TPM3: variants seen among roughly 807,000 people sequenced by gnomAD.
TPM3 encodes the protein tropomyosin alpha-3 chain.
Under a neutral mutation model 43.1 loss-of-function variants are expected in TPM3, and 16 were observed. The ratio of observed to expected loss-of-function variants is 0.37; its 90% CI spans 0.25 to 0.56. The LOEUF is 0.56. Ranked by LOEUF, TPM3 falls within the 20% of genes least tolerant of loss-of-function variation. The pLI is 0.77. For synonymous variants in TPM3, 101 were observed against 116.9 expected, an observed-to-expected ratio of 0.86 and a Z score of 0.88; for missense variants, 176 against 337.2, an observed-to-expected ratio of 0.52 and a Z score of 3.74.
At chr1:154,170,275 C>G in intron 8 of TPM3, 125 bp downstream of exon 8, 4 of 1,032,116 alleles carry the variant, frequency 3.9e-6, no homozygotes, top group Non-Finnish European at 4.5e-6. Flanking sequence ...TAGGACAGTG[C>G]ACATGATATT....
rs1044686013 is a variant in TPM3, at chr1:154,171,833, T to C, written c.567-345A>G. The C allele has an allele frequency of 6.2e-5, 44 of 713,912 alleles. 1 individual carries two copies. Among genetic ancestry groups the C allele is most frequent in the Non-Finnish European group, 1.1e-4 (44 of 407,576 alleles). The allele number at this position is 713,912 out of a possible 1,614,324, so 44.2% of individuals were successfully genotyped here. On this transcript the variant is annotated intron_variant, in intron 5 of 9. Coordinates refer to ENST00000651641, the MANE Select transcript of TPM3 (RefSeq NM_152263.4). ...CAAATCACCCAAAGGAAGGAGACCC[T>C]GTGGAGAGGCAGTGAAGCAACTAGG... is the stretch of plus-strand genomic sequence containing the variant.
downstream of TPM3, chr1:154,157,431 G>A (rs897230878): frequency 5.9e-6 from 4 of 673,790 alleles, no homozygotes; most frequent in African/African-American, 7.1e-5. Context: ...GTTTCCAAAG[G>A]TGCTCAGCCT....
At chr1:154,190,663 A>G (rs976926777) in intron 2 of TPM3, among the ~76,000 whole-genome samples, 1 of 152,232 alleles carries the variant, frequency 6.6e-6, no homozygotes, top group African/African-American at 2.4e-5. Context: ...TCTCCATGGC[A>G]TAAAGGCAAA....
Position 154,171,780 on chromosome 1 carries a change from G to C in TPM3, c.567-292C>G. 4 of 624,786 alleles carry C rather than the reference G, an allele frequency of 6.4e-6. No homozygotes were observed. In the South Asian group the frequency reaches 7.7e-5, roughly 12 times the overall value. 38.7% of individuals were successfully genotyped at this position (624,786 alleles called of 1,614,324 possible). A position where few individuals can be genotyped will look rare whatever the true frequency, so the allele number is the denominator to read the frequency against. ...TAACTGCTACCTGGGGTGGAGGTGGGAACAAATGCCCAACCCAAACAGTCC... is the reference window on the plus strand; with the variant it reads ...TAACTGCTACCTGGGGTGGAGGTGGCAACAAATGCCCAACCCAAACAGTCC... On this transcript the variant is annotated intron_variant, in intron 5 of 9. Transcript: ENST00000651641.
At chr1:154,167,973 AAGGACT>A in intron 9 of TPM3, 33 bp from the exon 10 acceptor site, 1 of 1,613,850 alleles carries the variant, frequency 6.2e-7, no homozygotes, top group Non-Finnish European at 8.5e-7. Context: ...TCTAGGTGAG[AAGGACT>A]AGCATCAATC....
downstream of TPM3, among the ~76,000 whole-genome samples, chr1:154,161,131 T>TAAAAAAAAAAAAAA (rs953940037): frequency 2.9e-4 from 25 of 85,030 alleles, no homozygotes; most frequent in Admixed American, 4.0e-4. Flanking sequence ...ATGCAAATAT[T>TAAAAAAAAAAAAAA]AAAAAAAAAA....
chr1:154,191,113 G>A, intron 2 of TPM3, 73 bp downstream of exon 2: 2 of 1,610,804 alleles, frequency 1.2e-6, no homozygotes, highest in South Asian at 2.2e-5. Context: ...AGTGTGTTTG[G>A]AATTTCGTCA....
rs1558046183 is a variant in TPM3, at chr1:154,172,964, C to T, written c.510G>A (p.Leu170=). The T allele has an allele frequency of 1.9e-6, 3 of 1,614,166 alleles. No individual in the cohort carries two copies. The African/African-American group carries it at 4.0e-5, about 22-fold the overall frequency. ...DRKYEEVARK[L]VIIEGDLERT... is the part of the protein sequence containing the mutation. ...GTTCCAAGTCTCCTTCAATGATCACCAACTTACGAGCCACCTACAGGAAAA... is the reference window on the plus strand; with the variant it reads ...GTTCCAAGTCTCCTTCAATGATCACTAACTTACGAGCCACCTACAGGAAAA... Residue 170 remains leucine, a synonymous_variant, in exon 5 of 10, where the codon TTG becomes TTA. Transcript: ENST00000651641.
rs1252433784 is a variant in TPM3, at chr1:154,166,902, C to T, written c.*1035G>A. Reference sequence around the variant, plus strand: ...TTCACCATGTTGGCCGAGCTGGTCTCGAACTCATGACCTCAGGTGATCCAC... The same window carrying T: ...TTCACCATGTTGGCCGAGCTGGTCTTGAACTCATGACCTCAGGTGATCCAC... On this transcript the variant is annotated 3_prime_UTR_variant, in exon 10 of 10. Transcript: ENST00000651641. Among the ~76,000 whole-genome samples the T allele has an allele frequency of 2.0e-5, 3 of 152,036 alleles. No individual in the cohort carries two copies. The highest frequency in any genetic ancestry group is 4.4e-5 in the Non-Finnish European group (3 of 67,994).
At position 154,167,783 on chromosome 1, in the gene TPM3, T is replaced by C; in HGVS notation, c.*154A>G. On this transcript the variant is annotated 3_prime_UTR_variant, in exon 10 of 10. Transcript: ENST00000651641. ...TTAACATTTTAATTTGGGGTGGGGG[T>C]GGAAGAAAATACATAAGTTGCTTTT... The C allele has an allele frequency of 6.5e-7, 1 of 1,547,714 alleles. No individual in the cohort carries two copies. The highest frequency in any genetic ancestry group is 8.7e-7 in the Non-Finnish European group (1 of 1,144,570).
At chr1:154,184,080 T>A (rs1315774319) in intron 2 of TPM3, among the ~76,000 whole-genome samples, 2 of 152,136 alleles carry the variant, frequency 1.3e-5, no homozygotes, top group South Asian at 4.1e-4. Context: ...CGGAGTCTCC[T>A]CTGTCGCCCA....
chr1:154,191,100 A>G, intron 2 of TPM3, 86 bp downstream of exon 2: 1 of 1,605,784 alleles, frequency 6.2e-7, no homozygotes, highest in Non-Finnish European at 8.5e-7. Context: ...CCATGAACCC[A>G]CAAGTGTGTT....
chr1:154,156,313 T>G (rs922842569), downstream of TPM3: 1 of 183,796 alleles, frequency 5.4e-6, no homozygotes, highest in Non-Finnish European at 1.2e-5. Flanking sequence ...ATAGCTTCTG[T>G]GGAGAAAGCA....
intron 9 of TPM3, among the ~76,000 whole-genome samples, chr1:154,169,082 T>C (rs1186062162): frequency 6.6e-6 from 1 of 151,340 alleles, no homozygotes; most frequent in Non-Finnish European, 1.5e-5. Flanking sequence ...GTGATCCACC[T>C]GCCTCGGCCT....
downstream of TPM3, among the ~76,000 whole-genome samples, chr1:154,161,593 G>A (rs754900605): frequency 2.6e-5 from 4 of 151,374 alleles, no homozygotes; most frequent in Non-Finnish European, 5.9e-5. Context: ...CCACCACCAC[G>A]CCCAGGTAAT....
At chr1:154,156,525 C>T (rs1171073099), downstream of TPM3, 2 of 201,224 alleles carry the variant, frequency 9.9e-6, no homozygotes, top group African/African-American at 2.3e-5. Context: ...CCTAACAGAC[C>T]TCCTAGAAAC....
At position 154,191,693 on chromosome 1, in the gene TPM3, A is replaced by G. The variant is rs1012337638; in HGVS notation, c.117+209T>C. 29 of 1,490,894 alleles carry G rather than the reference A, an allele frequency of 1.9e-5. No individual in the cohort carries two copies. In the African/African-American group the frequency reaches 3.9e-4, roughly 20 times the overall value. The allele number at this position is 1,490,894 out of a possible 1,614,324, so 92.4% of individuals were successfully genotyped here. On this transcript the variant is annotated intron_variant, in intron 1 of 9. Coordinates refer to ENST00000651641, the MANE Select transcript of TPM3 (RefSeq NM_152263.4). The stretch of plus-strand genomic sequence containing the variant: ...CCATTTCTACTTAAATTCAGCAGAC[A>G]TACTGTGGCTCACTGACTTTCCCAA...
In TPM3 at chr1:154,183,466, A is replaced by T. The variant is rs1571443893; in HGVS notation, c.244-7218T>A. On this transcript the variant is annotated intron_variant, in intron 2 of 9. Coordinates refer to ENST00000651641, the MANE Select transcript of TPM3 (RefSeq NM_152263.4). ...GCCTCTCCCGCCAGGCTGGCTGCCC[A>T]CAATGGTTGGCCCCTTTGCAGGTAG... The T allele has an allele frequency of 1.6e-5, 8 of 508,912 alleles. No individual in the cohort carries two copies. The East Asian group carries it at 2.5e-4, about 16-fold the overall frequency. The allele number at this position is 508,912 out of a possible 1,614,324, so 31.5% of individuals were successfully genotyped here. A position where few individuals can be genotyped will look rare whatever the true frequency, so the allele number is the denominator to read the frequency against.
Position 154,167,691 on chromosome 1 carries a change from C to G in TPM3, c.*246G>C. The G allele has an allele frequency of 7.3e-7, 1 of 1,372,324 alleles. No individual in the cohort carries two copies. The highest frequency in any genetic ancestry group is 1.6e-5 in the South Asian group (1 of 61,784). 85.0% of individuals were successfully genotyped at this position (1,372,324 alleles called of 1,614,324 possible). ...TTCCCCACATCACACCCCCAAGGCT[C>G]CTTCTTAGGGACAGCAACAGCTTTG... On this transcript the variant is annotated 3_prime_UTR_variant, in exon 10 of 10. Coordinates refer to ENST00000651641, the MANE Select transcript of TPM3 (RefSeq NM_152263.4).
Sources: allele counts gnomAD v4.1 joint callset (sites outside exome capture counted in the v4.1 genomes callset), GRCh38; gene constraint gnomAD v4.1.1; transcripts MANE v1.5; gene names NCBI Gene and HGNC (gene_info 2026-07-23, HGNC 2026-07-21).